Variants in COL4A3 observed in about 807,000 individuals in gnomAD.
COL4A3 encodes the protein collagen alpha-3(IV) chain.
In COL4A3, 135 loss-of-function variants were observed where a neutral mutation model predicts 217.4. The ratio of observed to expected loss-of-function variants is 0.62; its 90% CI spans 0.54 to 0.72. The LOEUF (loss-of-function observed/expected upper bound fraction) is 0.72. Among genes scored for constraint, COL4A3 ranks in the 30% least tolerant of loss-of-function variants. The pLI is 0.00. For missense variants in COL4A3, 1,868 were observed against 2,119.9 expected (o/e 0.88, Z 2.33); for synonymous variants, 690 against 736.3 (o/e 0.94, Z 1.02).
intron 50 of COL4A3, among the ~76,000 whole-genome samples, chr2:227,309,603 TA>T (rs1238050875): frequency 6.6e-6 from 1 of 152,086 alleles, no homozygotes; most frequent in African/African-American, 2.4e-5. Context: ...CTCTTTTTAT[TA>T]TTTTTTTTAT....
intron 34 of COL4A3, 147 bp downstream of exon 34, chr2:227,284,492 G>A (rs1027054917): frequency 9.1e-6 from 8 of 875,660 alleles, no homozygotes; most frequent in Non-Finnish European, 1.5e-5. Flanking sequence ...TGGTGGCTGA[G>A]CAGGCCTTAG....
chr2:227,196,288 G>A (rs550668798), intron 1 of COL4A3, among the ~76,000 whole-genome samples: 1 of 151,744 alleles, frequency 6.6e-6, no homozygotes, highest in Non-Finnish European at 1.5e-5. Context: ...TTCATTCATG[G>A]AAAATGCCCT....
rs373628122 is a variant in COL4A3, at chr2:227,290,885, C to A, written c.3209C>A (p.Thr1070Lys). The change falls in exon 37 of 52, where the codon ACG becomes AAG. Residue 1070 changes from threonine to lysine, a missense_variant and splice_region_variant. Physicochemically the swap from Thr to Lys is moderately conservative, Grantham distance 78. This residue lies in a region of COL4A3 where 1,503 missense variants were observed against 1,786.1 expected (regional missense o/e 0.84). Transcript: ENST00000396578. ...ACAAGGCCAGGACCACCGGGACCAA[C>A]GGTATATAGGCCACTGAAATATTTA... The part of the protein sequence containing the change: ...EGTRPGPPGP[T>K]GDPGLPGDMG... The A allele has an allele frequency of 6.2e-6, 10 of 1,610,948 alleles. No individual in the cohort carries two copies. Among genetic ancestry groups the A allele is most frequent in the African/African-American group, 1.3e-5 (1 of 74,844 alleles).
intron 1 of COL4A3, among the ~76,000 whole-genome samples, chr2:227,232,327 A>G (rs2068452141): frequency 2.0e-5 from 3 of 152,242 alleles, no homozygotes; most frequent in Non-Finnish European, 2.9e-5. Context: ...GTGCTACAAC[A>G]AACATGGGAG....
intron 1 of COL4A3, among the ~76,000 whole-genome samples, chr2:227,218,074 ATATAGC>A (rs201415526): frequency 0.055 from 2,934 of 53,356 alleles, 50 homozygotes; most frequent in South Asian, 0.11. Context: ...ATAACTATAT[ATATAGC>A]TATATATATA....
At chr2:227,173,246 G>A (rs544137883) in intron 1 of COL4A3, among the ~76,000 whole-genome samples, 2 of 152,192 alleles carry the variant, frequency 1.3e-5, no homozygotes, top group South Asian at 4.2e-4. Flanking sequence ...TTAGACATCA[G>A]TGGGAATTAG....
At position 227,188,014 on chromosome 2, in the gene COL4A3, C is replaced by G. The variant is rs538687103; in HGVS notation, c.87+23201C>G. 3.3e-5 allele frequency among the ~76,000 whole-genome samples: 5 copies of G among 152,270 alleles called. No individual in the cohort carries two copies. The South Asian group carries it at 1.0e-3, about 32-fold the overall frequency. ...CTGTACCCAAGAATACAGTTTATAACAAACAAACAGCAGCCCCCACTGTTT... is the reference window on the plus strand; with the variant it reads ...CTGTACCCAAGAATACAGTTTATAAGAAACAAACAGCAGCCCCCACTGTTT... On this transcript the variant is annotated intron_variant, in intron 1 of 51. Transcript: ENST00000396578.
chr2:227,221,933 G>A lies in COL4A3; in HGVS notation c.88-16035G>A, dbSNP rs74354561. Among the ~76,000 whole-genome samples the A allele has an allele frequency of 7.0e-3, 1,061 of 151,754 alleles. 43 individuals carry two copies. In the East Asian group the frequency reaches 0.11, roughly 16 times the overall value. Reference sequence around the variant, plus strand: ...AAAATGGCTTTGAGGGTGAGAAAGCGTCCCATCCTATCACTGAGCACAGTA... The same window carrying A: ...AAAATGGCTTTGAGGGTGAGAAAGCATCCCATCCTATCACTGAGCACAGTA... On this transcript the variant is annotated intron_variant, in intron 1 of 51. Coordinates refer to ENST00000396578, the MANE Select transcript of COL4A3 (RefSeq NM_000091.5).
rs1462850397 is a variant in COL4A3 at position 227,251,334 on chromosome 2, A to G, written c.610-2A>G. On this transcript the variant is annotated splice_acceptor_variant, in intron 10 of 51. Transcript: ENST00000396578. LOFTEE classifies it high-confidence loss of function. ...GTGATTTTCATTTGTGGATTTTTCT[A>G]GGGCTTTCCAGGAGCCATGGGACCT... 1 of 1,613,136 alleles carries G rather than the reference A, an allele frequency of 6.2e-7. No individual in the cohort carries two copies. Among genetic ancestry groups the G allele is most frequent in the African/African-American group, 1.3e-5 (1 of 74,892 alleles).
At chr2:227,169,653 A>G (rs2065406728) in intron 1 of COL4A3, among the ~76,000 whole-genome samples, 1 of 151,916 alleles carries the variant, frequency 6.6e-6, no homozygotes, top group Admixed American at 6.6e-5. Flanking sequence ...GATGGTGAGC[A>G]TTTTTTCATG....
chr2:227,201,518 T>C (rs2066684938), intron 1 of COL4A3, among the ~76,000 whole-genome samples: 1 of 152,164 alleles, frequency 6.6e-6, no homozygotes, highest in Non-Finnish European at 1.5e-5. Flanking sequence ...CCGTTTCCAG[T>C]TGACGTTAGA....
rs201941978 is a variant in COL4A3 at position 227,216,612 on chromosome 2, CA to C, written c.88-21347del. Among the ~76,000 whole-genome samples, 435 of 150,122 alleles carry C rather than the reference CA, an allele frequency of 2.9e-3. 13 individuals carry two copies. The East Asian group carries it at 0.06, about 21-fold the overall frequency. On this transcript the variant is annotated intron_variant, in intron 1 of 51. Coordinates refer to ENST00000396578, the MANE Select transcript of COL4A3 (RefSeq NM_000091.5). ...TAATACCACAAAAAGAATCTTCCTC[CA>C]AAAAAAAAGCATACTTAACAATCAA... is the stretch of plus-strand genomic sequence containing the variant.
In COL4A3 at chr2:227,257,542, T is replaced by C. The variant is rs931012818; in HGVS notation, c.988-61T>C. 6.4e-6 allele frequency: 9 copies of C among 1,410,158 alleles called. No individual in the cohort carries two copies. In the African/African-American group the frequency reaches 8.5e-5, roughly 13 times the overall value. The allele number at this position is 1,410,158 out of a possible 1,614,324, so 87.4% of individuals were successfully genotyped here. On this transcript the variant is annotated intron_variant, in intron 17 of 51. Transcript: ENST00000396578. ...TGTTCATTTTAACTGTACATCTTGC[T>C]TTTTATATGTAAATACTTTGGGTGA... is the stretch of plus-strand genomic sequence containing the variant.
At chr2:227,298,131 T>G (rs1358072704) in intron 42 of COL4A3, among the ~76,000 whole-genome samples, 1 of 152,144 alleles carries the variant, frequency 6.6e-6, no homozygotes, top group East Asian at 1.9e-4. Context: ...ACGGATCACT[T>G]GAGGTCAGGA....
chr2:227,254,844 A>T (rs2070050223), intron 15 of COL4A3, 129 bp downstream of exon 15: 1 of 742,228 alleles, frequency 1.3e-6, no homozygotes, highest in Non-Finnish European at 2.4e-6. Flanking sequence ...AAGATTTGGG[A>T]GGCAGGATTT....
intron 23 of COL4A3, among the ~76,000 whole-genome samples, chr2:227,269,699 A>G (rs1003707033): frequency 2.0e-5 from 3 of 152,186 alleles, no homozygotes; most frequent in African/African-American, 7.2e-5. Context: ...TATGAAGATA[A>G]AATTTTAAGA....
chr2:227,266,765 G>A lies in COL4A3; in HGVS notation c.1409-228G>A, dbSNP rs10197580. On this transcript the variant is annotated intron_variant, in intron 22 of 51. Coordinates refer to ENST00000396578, the MANE Select transcript of COL4A3 (RefSeq NM_000091.5). ...AGAAACACTGAAATAGATGTTTTAT[G>A]TTAGACTTTTGGAATTTCCCCTTTC... 0.1 allele frequency among the ~76,000 whole-genome samples: 15,227 copies of A among 152,218 alleles called. 1,492 individuals are homozygous for A. The highest frequency in any genetic ancestry group is 0.26 in the African/African-American group (10,930 of 41,502).
chr2:227,286,602 G>A (rs1236578686), intron 34 of COL4A3, among the ~76,000 whole-genome samples: 1 of 152,198 alleles, frequency 6.6e-6, no homozygotes, highest in East Asian at 1.9e-4. Context: ...ATGACACTCT[G>A]ATAGGAAATG....
At chr2:227,204,437 C>T (rs1412296562) in intron 1 of COL4A3, among the ~76,000 whole-genome samples, 1 of 151,972 alleles carries the variant, frequency 6.6e-6, no homozygotes, top group Non-Finnish European at 1.5e-5. Context: ...TTATCCTTTA[C>T]TATAGTTCTG....
Sources: allele counts gnomAD v4.1 joint callset (sites outside exome capture counted in the v4.1 genomes callset), GRCh38; gene constraint gnomAD v4.1.1; regional missense constraint gnomAD v4.1.1; transcripts MANE v1.5; gene names NCBI Gene and HGNC (gene_info 2026-07-23, HGNC 2026-07-21).